PCNX2: variants seen among roughly 807,000 people sequenced by gnomAD.
PCNX2 encodes the protein pecanex-like protein 2.
A neutral mutation model predicts 223.8 loss-of-function variants in PCNX2; 168 were observed. That is an observed-to-expected ratio of 0.75 (90% confidence interval 0.66 to 0.85). The LOEUF is 0.85. PCNX2 is among the 40% of genes least tolerant of loss of function. The pLI, the probability that PCNX2 is intolerant of heterozygous loss-of-function variation, is 0.00. For synonymous variants in PCNX2, 1,006 were observed against 1,052.6 expected (o/e 0.96, Z 0.86); for missense variants, 2,507 against 2,675.5 (o/e 0.94, Z 1.39).
In PCNX2 at chr1:233,001,481, TAA is replaced by T; in HGVS notation, c.5097+54_5097+55del. Reference sequence around the variant, plus strand: ...GCAACAAGAGCGAAACTCCATCTCATAAATAAATAAATAAATAAATAAATAAA... The same window carrying T: ...GCAACAAGAGCGAAACTCCATCTCATATAAATAAATAAATAAATAAATAAA... On this transcript the variant is annotated intron_variant, in intron 29 of 33. Transcript: ENST00000258229. The surrounding 1 kb of genome is among the most constrained non-coding windows in gnomAD (Gnocchi z 4.2). 3 of 15,204 alleles carry T rather than the reference TAA, an allele frequency of 2.0e-4. No homozygotes were observed. Among genetic ancestry groups the T allele is most frequent in the Non-Finnish European group, 2.7e-4 (3 of 11,286 alleles). 0.9% of individuals were successfully genotyped at this position (15,204 alleles called of 1,614,324 possible).
the PCNX2 span, among the ~76,000 whole-genome samples, chr1:233,302,179 C>T: frequency 9.9e-5 from 15 of 152,110 alleles, no homozygotes; most frequent in Non-Finnish European, 1.5e-4. Context: ...TAGAGAATAA[C>T]CAAATCAGAT....
Position 233,258,042 on chromosome 1 carries a change from C to T in PCNX2, c.1820G>A (p.Ser607Asn), listed in dbSNP as rs769532372. 2 of 1,611,152 alleles carry T rather than the reference C, an allele frequency of 1.2e-6. No homozygotes were observed. Among genetic ancestry groups the T allele is most frequent in the Admixed American group, 1.7e-5 (1 of 59,960 alleles). The part of the protein sequence containing the change: ...LNGSAEQNEE[S>N]GLLRDNCSQE... ...TGGAATCGCACCTCGGAGAAGCCCA[C>T]TTTCTTCATTCTGCTCAGCTGAGCC... The change falls in exon 5 of 34, where the codon AGT (serine) becomes AAT (asparagine). Residue 607 changes from serine to asparagine, a missense_variant. By Grantham distance (46) the Ser-to-Asn change is conservative (BLOSUM62 1). Coordinates refer to ENST00000258229, the MANE Select transcript of PCNX2 (RefSeq NM_014801.4).
chr1:233,103,897 C>A (rs996241643), intron 21 of PCNX2, among the ~76,000 whole-genome samples: 1 of 152,152 alleles, frequency 6.6e-6, no homozygotes, highest in African/African-American at 2.4e-5. Flanking sequence ...AACATTCCCA[C>A]CAATAATGCA....
intron 23 of PCNX2, among the ~76,000 whole-genome samples, chr1:233,060,872 G>A (rs888738954): frequency 3.3e-5 from 5 of 152,096 alleles, no homozygotes; most frequent in African/African-American, 2.4e-5. Flanking sequence ...CCAGAGAAGC[G>A]GACTTACTGA....
chr1:233,220,421 G>A (rs368218695), intron 10 of PCNX2, among the ~76,000 whole-genome samples: 11 of 152,158 alleles, frequency 7.2e-5, no homozygotes, highest in South Asian at 2.1e-4. Flanking sequence ...GAGCGTTCCC[G>A]TTGCTCCACA....
intron 33 of PCNX2, 109 bp downstream of exon 33, chr1:232,985,982 AT>A (rs1314743154): frequency 5.8e-6 from 7 of 1,200,758 alleles, no homozygotes; most frequent in Non-Finnish European, 8.4e-6. Flanking sequence ...AGAGAAGGGG[AT>A]GGGGTTCTGC....
At chr1:233,157,999 T>C (rs186754025) in intron 19 of PCNX2, among the ~76,000 whole-genome samples, 18 of 152,148 alleles carry the variant, frequency 1.2e-4, no homozygotes, top group Non-Finnish European at 2.5e-4. Flanking sequence ...ACAAAAGGAC[T>C]CTGTGCCACC....
chr1:233,160,486 G>T (rs1678404348), intron 18 of PCNX2, 53 bp from the exon 19 acceptor site: 2 of 1,547,388 alleles, frequency 1.3e-6, no homozygotes, highest in Admixed American at 1.7e-5. Context: ...ATGGGGAGAG[G>T]GATGCCCATG....
intron 1 of PCNX2, among the ~76,000 whole-genome samples, chr1:233,263,432 A>G (rs150604820): frequency 6.7e-6 from 1 of 149,868 alleles, no homozygotes; most frequent in Non-Finnish European, 1.5e-5. Flanking sequence ...AACAAAAGAT[A>G]TATTCGAGGA....
chr1:233,314,363 C>T, the PCNX2 span, among the ~76,000 whole-genome samples: 1 of 152,074 alleles, frequency 6.6e-6, no homozygotes, highest in Non-Finnish European at 1.5e-5. Flanking sequence ...AGAATTTTAA[C>T]TTTTCAAATT....
chr1:233,200,078 C>G lies in PCNX2; in HGVS notation c.2974+76G>C, dbSNP rs1680975431. ...AAAGAAAACCTAACTAGCCTCTCAT[C>G]TCCTGCCTAAGGCTATTTAGTCCTT... On this transcript the variant is annotated intron_variant, in intron 14 of 33. Coordinates refer to ENST00000258229, the MANE Select transcript of PCNX2 (RefSeq NM_014801.4). The G allele has an allele frequency of 2.5e-6, 3 of 1,187,000 alleles. No homozygotes were observed. In the East Asian group the frequency reaches 8.1e-5, roughly 32 times the overall value. The allele number at this position is 1,187,000 out of a possible 1,614,324, so 73.5% of individuals were successfully genotyped here.
chr1:233,053,794 T>A (rs577627468), intron 25 of PCNX2, among the ~76,000 whole-genome samples: 1 of 152,296 alleles, frequency 6.6e-6, no homozygotes, highest in East Asian at 1.9e-4. Flanking sequence ...TTCTACATGA[T>A]CTCATTTAAA....
chr1:233,282,022 A>C (rs938664328), intron 1 of PCNX2, among the ~76,000 whole-genome samples: 4 of 151,924 alleles, frequency 2.6e-5, no homozygotes, highest in African/African-American at 9.7e-5. Flanking sequence ...GCTTGAAAGA[A>C]CTGTCTTCAC....
At chr1:233,200,950 C>T (rs1009018215) in intron 13 of PCNX2, among the ~76,000 whole-genome samples, 22 of 144,338 alleles carry the variant, frequency 1.5e-4, no homozygotes, top group South Asian at 4.4e-4. Flanking sequence ...GGCGTGAACC[C>T]GGGAGGCGGA....
chr1:233,281,521 G>A (rs1173944246), intron 1 of PCNX2, among the ~76,000 whole-genome samples: 1 of 152,026 alleles, frequency 6.6e-6, no homozygotes, highest in Non-Finnish European at 1.5e-5. Context: ...CAAGAAATGA[G>A]GTAAAATTTA....
At position 233,054,210 on chromosome 1, in the gene PCNX2, T is replaced by C. The variant is rs16858560; in HGVS notation, c.4351+58A>G. On this transcript the variant is annotated intron_variant, in intron 25 of 33. Coordinates refer to ENST00000258229, the MANE Select transcript of PCNX2 (RefSeq NM_014801.4). ...CAGTGACTTCTTCCTAAAGTTTTGC[T>C]TGATAATTAACTCAAGCAACCAACT... The C allele has an allele frequency of 1.5e-3, 2,273 of 1,500,110 alleles. 34 individuals carry two copies. The African/African-American group carries it at 0.027, about 18-fold the overall frequency. The allele number at this position is 1,500,110 out of a possible 1,614,324, so 92.9% of individuals were successfully genotyped here.
intron 23 of PCNX2, among the ~76,000 whole-genome samples, chr1:233,088,398 T>C (rs1341240587): frequency 1.3e-5 from 2 of 152,192 alleles, no homozygotes; most frequent in African/African-American, 4.8e-5. Context: ...CCTCCTCTTA[T>C]TTACAAGTAT....
At chr1:233,244,805 C>G (rs57427539) in intron 8 of PCNX2, among the ~76,000 whole-genome samples, 12,565 of 152,240 alleles carry the variant, frequency 0.083, 1,347 homozygotes, top group African/African-American at 0.25. Flanking sequence ...TTTTAAAAGG[C>G]TCATTTTACA....
At chr1:233,296,073 G>A (rs1662106917), upstream of PCNX2, among the ~76,000 whole-genome samples, 1 of 149,890 alleles carries the variant, frequency 6.7e-6, no homozygotes, top group Admixed American at 6.6e-5. Context: ...ACGTGCAAGG[G>A]TGTTCTCATG....
Sources: allele counts gnomAD v4.1 joint callset (sites outside exome capture counted in the v4.1 genomes callset), GRCh38; gene constraint gnomAD v4.1.1; non-coding constraint Gnocchi (gnomAD v3.1); transcripts MANE v1.5; gene names NCBI Gene and HGNC (gene_info 2026-07-23, HGNC 2026-07-21).